The following CHN2 variants were observed in gnomAD, a reference collection of about 807,000 sequenced individuals.
The protein encoded by CHN2 is beta-chimaerin.
CHN2 carries 35 observed loss-of-function variants against 56.3 expected under a neutral mutation model. The ratio of observed to expected loss-of-function variants is 0.62; its 90% CI spans 0.47 to 0.82. CHN2 has a LOEUF of 0.82. Among genes scored for constraint, CHN2 ranks in the 40% least tolerant of loss-of-function variants. The pLI, the probability that CHN2 is intolerant of heterozygous loss-of-function variation, is 0.00. For missense variants in CHN2, 491 were observed against 580.5 expected (o/e 0.85, Z 1.58); for synonymous variants, 210 against 212.8 (o/e 0.99, Z 0.12).
intron 3 of CHN2, among the ~76,000 whole-genome samples, chr7:29,386,876 G>T (rs1237785244): frequency 1.3e-5 from 2 of 152,174 alleles, no homozygotes; most frequent in Non-Finnish European, 2.9e-5. Context: ...AGATTTTAAG[G>T]TCTCGAGTCC....
At chr7:29,234,061 C>T (rs1201507717) in intron 1 of CHN2, among the ~76,000 whole-genome samples, 1 of 151,032 alleles carries the variant, frequency 6.6e-6, no homozygotes, top group Non-Finnish European at 1.5e-5. Context: ...TCTCGATCTC[C>T]TGACCTCGTG....
At chr7:29,480,650 G>A (rs1787091031) in intron 7 of CHN2, among the ~76,000 whole-genome samples, 1 of 152,186 alleles carries the variant, frequency 6.6e-6, no homozygotes, top group African/African-American at 2.4e-5. Flanking sequence ...TAAACACAGA[G>A]CATGCCCAGT....
rs148622890 is a variant in CHN2, at chr7:29,315,080, T to C, written c.50-39545T>C. ...TATTGTATAATATCCTGAATTCTTA[T>C]GAAATTATTATTTTTTTCATATTTC... On this transcript the variant is annotated intron_variant, in intron 1 of 12. Coordinates refer to ENST00000222792, the MANE Select transcript of CHN2 (RefSeq NM_004067.4). 7.9e-4 allele frequency among the ~76,000 whole-genome samples: 120 copies of C among 152,284 alleles called. 1 individual carries two copies. The highest frequency in any genetic ancestry group is 3.4e-3 in the Middle Eastern group (1 of 294).
At chr7:29,271,420 A>G (rs1223623186) in intron 1 of CHN2, among the ~76,000 whole-genome samples, 2 of 152,188 alleles carry the variant, frequency 1.3e-5, no homozygotes, top group East Asian at 3.9e-4. Flanking sequence ...GCATTTTGCA[A>G]TTCAAAAACG....
intron 1 of CHN2, among the ~76,000 whole-genome samples, chr7:29,315,482 G>A (rs1333350894): frequency 6.6e-6 from 1 of 152,138 alleles, no homozygotes; most frequent in African/African-American, 2.4e-5. Context: ...GCATTAGGAG[G>A]TTACAATAAT....
chr7:29,442,447 G>A (rs1258936893), intron 6 of CHN2, among the ~76,000 whole-genome samples: 2 of 152,120 alleles, frequency 1.3e-5, no homozygotes, highest in African/African-American at 2.4e-5. Context: ...TTATTTCGAA[G>A]GTGGATTGGC....
chr7:29,456,731 G>T (rs1784799327), intron 6 of CHN2, among the ~76,000 whole-genome samples: 1 of 151,956 alleles, frequency 6.6e-6, no homozygotes, highest in Admixed American at 6.6e-5. Flanking sequence ...TGATTCAGGT[G>T]ATCTGAGGAC....
intron 12 of CHN2, among the ~76,000 whole-genome samples, chr7:29,511,699 C>A (rs960802302): frequency 1.2e-5 from 1 of 86,954 alleles, no homozygotes; most frequent in Admixed American, 1.2e-4. Context: ...TATGCACAAC[C>A]TAAACACATT....
At chr7:29,290,173 C>G (rs534687663) in intron 1 of CHN2, among the ~76,000 whole-genome samples, 1 of 152,224 alleles carries the variant, frequency 6.6e-6, no homozygotes, top group Non-Finnish European at 1.5e-5. Flanking sequence ...GACCGTTTGA[C>G]CAAACATGCT....
At chr7:29,439,582 C>T (rs1783482357) in intron 6 of CHN2, among the ~76,000 whole-genome samples, 1 of 152,186 alleles carries the variant, frequency 6.6e-6, no homozygotes, top group Non-Finnish European at 1.5e-5. Flanking sequence ...ATCCACATCC[C>T]CCATATGACC....
At chr7:29,241,621 T>C (rs1425283473) in intron 1 of CHN2, among the ~76,000 whole-genome samples, 1 of 151,950 alleles carries the variant, frequency 6.6e-6, no homozygotes, top group Admixed American at 6.5e-5. Flanking sequence ...AGGAACTCTG[T>C]AGTCTTAGTG....
intron 6 of CHN2, among the ~76,000 whole-genome samples, chr7:29,441,487 G>T (rs185207756): frequency 6.6e-6 from 1 of 152,308 alleles, no homozygotes; most frequent in Admixed American, 6.5e-5. Context: ...TAAAACTTTT[G>T]TACATCAAAG....
Position 29,194,873 on chromosome 7 carries a change from C to T in CHN2, c.-69C>T, listed in dbSNP as rs1257341622. 1.5e-6 allele frequency: 2 copies of T among 1,335,540 alleles called. No individual in the cohort carries two copies. The highest frequency in any genetic ancestry group is 1.9e-6 in the Non-Finnish European group (2 of 1,042,154). 82.7% of individuals were successfully genotyped at this position (1,335,540 alleles called of 1,614,324 possible). A position where few individuals can be genotyped will look rare whatever the true frequency, so the allele number is the denominator to read the frequency against. On this transcript the variant is annotated 5_prime_UTR_variant, in exon 1 of 13. Transcript: ENST00000222792. Reference sequence around the variant, plus strand: ...GGGGGCCGCGGAGGCTGCGAGCGGCCGGGCGAGGGCAGCGGCGGCGGCGTC... The same window carrying T: ...GGGGGCCGCGGAGGCTGCGAGCGGCTGGGCGAGGGCAGCGGCGGCGGCGTC...
intron 6 of CHN2, among the ~76,000 whole-genome samples, chr7:29,451,353 G>A (rs566071631): frequency 7.4e-4 from 113 of 152,204 alleles, no homozygotes; most frequent in African/African-American, 2.6e-3. Flanking sequence ...GACCCTGGAT[G>A]GATACTGTGA....
At chr7:29,373,794 A>G (rs1416934634) in intron 3 of CHN2, among the ~76,000 whole-genome samples, 1 of 152,210 alleles carries the variant, frequency 6.6e-6, no homozygotes, top group South Asian at 2.1e-4. Flanking sequence ...TTAACAGGCC[A>G]TATTGATTGA....
rs1449336105 is a variant in CHN2, at chr7:29,509,205, T to C, written c.1130-96T>C. On this transcript the variant is annotated intron_variant, in intron 11 of 12. Transcript: ENST00000222792. ...GATTGCATGAATTTATTAGAATCCT[T>C]CCCCACTTCTGGCTAAAACAAAAAC... 111 of 810,524 alleles carry C rather than the reference T, an allele frequency of 1.4e-4. No individual in the cohort carries two copies. In the East Asian group the frequency reaches 2.7e-3, roughly 20 times the overall value. The allele number at this position is 810,524 out of a possible 1,614,324, so 50.2% of individuals were successfully genotyped here. A position where few individuals can be genotyped will look rare whatever the true frequency, so the allele number is the denominator to read the frequency against.
chr7:29,431,184 G>C (rs370802379), intron 6 of CHN2, among the ~76,000 whole-genome samples: 27 of 152,114 alleles, frequency 1.8e-4, no homozygotes, highest in African/African-American at 5.6e-4. Flanking sequence ...CCTGCTCCTG[G>C]GATAAATGCT....
chr7:29,495,099 C>T lies in CHN2; in HGVS notation c.655-853C>T, dbSNP rs184352922. On this transcript the variant is annotated intron_variant, in intron 7 of 12. Transcript: ENST00000222792. ...ATTTTTGTGCACATTTGTATGGCCC[C>T]GATAGACTGCCTATGGTCATTTTAG... Among the ~76,000 whole-genome samples the T allele has an allele frequency of 3.3e-5, 5 of 151,992 alleles. No homozygotes were observed. The South Asian group carries it at 6.2e-4, about 19-fold the overall frequency.
intron 2 of CHN2, among the ~76,000 whole-genome samples, chr7:29,154,267 C>T (rs1794032375): frequency 1.3e-5 from 2 of 152,166 alleles, no homozygotes; most frequent in African/African-American, 4.8e-5. Flanking sequence ...AGTGAAGGAA[C>T]AATAAGGGCA....
Sources: allele counts gnomAD v4.1 joint callset (sites outside exome capture counted in the v4.1 genomes callset), GRCh38; gene constraint gnomAD v4.1.1; transcripts MANE v1.5; gene names NCBI Gene and HGNC (gene_info 2026-07-23, HGNC 2026-07-21).